CUL1: variants seen among roughly 807,000 people sequenced by gnomAD.
CUL1 encodes the protein cullin 1.
A neutral mutation model predicts 118.0 loss-of-function variants in CUL1; 24 were observed. The observed-to-expected ratio is 0.20, with a 90% CI of 0.15 to 0.29. The LOEUF (loss-of-function observed/expected upper bound fraction) is 0.29. Ranked by LOEUF, CUL1 falls within the 10% of genes least tolerant of loss-of-function variation. CUL1 has a pLI of 1.00. For missense variants in CUL1, 361 were observed against 933.8 expected, an observed-to-expected ratio of 0.39 and a Z score of 7.99; for synonymous variants, 332 against 340.4, an observed-to-expected ratio of 0.98 and a Z score of 0.27.
chr7:148,704,230 A>T (rs1464611436), intron 1 of CUL1, among the ~76,000 whole-genome samples: 2 of 151,292 alleles, frequency 1.3e-5, no homozygotes, highest in Admixed American at 1.3e-4. Flanking sequence ...ACATGAAAAA[A>T]CTTTCAGCTT....
At chr7:148,714,637 T>C (rs999718993) in intron 1 of CUL1, among the ~76,000 whole-genome samples, 2 of 152,208 alleles carry the variant, frequency 1.3e-5, no homozygotes, top group African/African-American at 2.4e-5. Flanking sequence ...TTCTCTGTAG[T>C]GATAGGTGTG....
Position 148,798,126 on chromosome 7 carries a change from G to T in CUL1, c.2030+107G>T, listed in dbSNP as rs1801269936. ...CAAACCAAGGGAGACCGGGGACTCA[G>T]TGTGAAGCGACAGGCACTAGGCTGG... is the stretch of plus-strand genomic sequence containing the variant. On this transcript the variant is annotated intron_variant, in intron 19 of 21. Coordinates refer to ENST00000325222, the MANE Select transcript of CUL1 (RefSeq NM_003592.3). 4.6e-6 allele frequency: 3 copies of T among 647,376 alleles called. No homozygotes were observed. In the East Asian group the frequency reaches 8.3e-5, roughly 18 times the overall value. 40.1% of individuals were successfully genotyped at this position (647,376 alleles called of 1,614,324 possible).
At chr7:148,750,894 C>T (rs537080662) in intron 2 of CUL1, among the ~76,000 whole-genome samples, 57 of 151,884 alleles carry the variant, frequency 3.8e-4, no homozygotes, top group African/African-American at 1.3e-3. Context: ...TCACTTCAGA[C>T]CAAGAGTTTG....
intron 9 of CUL1, among the ~76,000 whole-genome samples, chr7:148,779,142 T>G (rs1424397984): frequency 6.6e-6 from 1 of 152,242 alleles, no homozygotes; most frequent in Non-Finnish European, 1.5e-5. Flanking sequence ...TGATTTTCTC[T>G]TCGTGAAATT....
chr7:148,698,567 G>A (rs1203439426), upstream of CUL1: 1 of 151,946 alleles, frequency 6.6e-6, no homozygotes, highest in Non-Finnish European at 1.5e-5. Context: ...GCGAGCGGGG[G>A]CCTCGGCCGC....
intron 9 of CUL1, among the ~76,000 whole-genome samples, chr7:148,769,449 A>ACACAC (rs1554471386): frequency 1.7e-4 from 22 of 132,636 alleles, no homozygotes; most frequent in East Asian, 6.3e-4. Context: ...ACACACACAC[A>ACACAC]AAACGCTCAC....
intron 2 of CUL1, 64 bp downstream of exon 2, chr7:148,730,326 G>T: frequency 6.8e-7 from 1 of 1,471,262 alleles, no homozygotes; most frequent in South Asian, 1.3e-5. Context: ...TATGACTTAT[G>T]AATTATTAGA....
chr7:148,741,827 G>GC (rs1187740890), intron 2 of CUL1, among the ~76,000 whole-genome samples: 23 of 152,364 alleles, frequency 1.5e-4, no homozygotes, highest in African/African-American at 4.6e-4. Flanking sequence ...TCCTGCCTCA[G>GC]CCCCCCAAAG....
chr7:148,776,362 G>A (rs1800401907), intron 9 of CUL1, among the ~76,000 whole-genome samples: 1 of 111,826 alleles, frequency 8.9e-6, no homozygotes, highest in African/African-American at 3.5e-5. Flanking sequence ...TTTCACCCAG[G>A]CTGGAGTGCA....
chr7:148,785,804 G>GT (rs1188201203), intron 11 of CUL1, among the ~76,000 whole-genome samples: 1 of 152,134 alleles, frequency 6.6e-6, no homozygotes, highest in East Asian at 1.9e-4. Flanking sequence ...GGTGAGTGGA[G>GT]TCAGGGAGGC....
chr7:148,797,423 C>T (rs1022116036), intron 17 of CUL1, among the ~76,000 whole-genome samples: 2 of 147,922 alleles, frequency 1.4e-5, no homozygotes, highest in Admixed American at 1.4e-4. Flanking sequence ...ATGCTCATGG[C>T]GCAGTTGAAA....
intron 1 of CUL1, among the ~76,000 whole-genome samples, chr7:148,722,436 C>T (rs1798424874): frequency 6.6e-6 from 1 of 152,218 alleles, no homozygotes; most frequent in Admixed American, 6.5e-5. Flanking sequence ...GCTTCAACCC[C>T]ATTGCTCTTC....
chr7:148,757,282 T>C (rs1472614454), intron 4 of CUL1, 132 bp downstream of exon 4: 1 of 474,258 alleles, frequency 2.1e-6, no homozygotes, highest in African/African-American at 2.0e-5. Flanking sequence ...TTTTCATTGT[T>C]TTATCAATAA....
intron 9 of CUL1, among the ~76,000 whole-genome samples, chr7:148,776,252 T>C (rs1800391541): frequency 6.8e-6 from 1 of 147,006 alleles, no homozygotes; most frequent in Non-Finnish European, 1.5e-5. Flanking sequence ...AGAATAATCA[T>C]TTTCCCTAAA....
Position 148,718,404 on chromosome 7 carries a change from A to G in CUL1, c.-161-11558A>G, listed in dbSNP as rs574116207. Reference sequence around the variant, plus strand: ...CCATTCCCACCATCCCCACAACCCCAGGCAGCTACTAACCTGCTTTGTCTC... The same window carrying G: ...CCATTCCCACCATCCCCACAACCCCGGGCAGCTACTAACCTGCTTTGTCTC... On this transcript the variant is annotated intron_variant, in intron 1 of 21. Coordinates refer to ENST00000325222, the MANE Select transcript of CUL1 (RefSeq NM_003592.3). Among the ~76,000 whole-genome samples, 3 of 152,228 alleles carry G rather than the reference A, an allele frequency of 2.0e-5. No homozygotes were observed. The East Asian group carries it at 5.8e-4, about 29-fold the overall frequency.
intron 1 of CUL1, among the ~76,000 whole-genome samples, chr7:148,715,703 T>TA (rs1380670405): frequency 6.6e-6 from 1 of 152,214 alleles, no homozygotes; most frequent in Non-Finnish European, 1.5e-5. Flanking sequence ...TTTTGTCAGT[T>TA]ACTAAATTTA....
At chr7:148,749,372 T>C (rs243489) in intron 2 of CUL1, among the ~76,000 whole-genome samples, 35,834 of 133,594 alleles carry the variant, frequency 0.27, 5,154 homozygotes, top group South Asian at 0.36. Flanking sequence ...GCCAAGATTG[T>C]GCCACAGCTC....
At chr7:148,730,347 G>GT in intron 2 of CUL1, 85 bp downstream of exon 2, 1 of 1,378,034 alleles carries the variant, frequency 7.3e-7, no homozygotes, top group Non-Finnish European at 9.7e-7. Context: ...ATTTTATATT[G>GT]TTTTCTCCTC....
upstream of CUL1, chr7:148,698,577 C>T (rs1797597024): frequency 6.6e-6 from 1 of 151,790 alleles, no homozygotes; most frequent in Non-Finnish European, 1.5e-5. Context: ...GCCTCGGCCG[C>T]GGAAGGGGCG....
Sources: gnomAD v4.1 joint callset for allele counts (sites outside exome capture counted in the v4.1 genomes callset) on GRCh38, gnomAD v4.1.1 for gene constraint, MANE v1.5 for transcripts, NCBI Gene and HGNC (gene_info 2026-07-23, HGNC 2026-07-21) for gene names.